NTNG1: variants seen among roughly 807,000 people sequenced by gnomAD.
NTNG1 encodes the protein netrin G1.
Under a neutral mutation model 54.0 loss-of-function variants are expected in NTNG1, and 16 were observed. That is an observed-to-expected ratio of 0.30 (90% CI 0.20 to 0.45). The LOEUF (loss-of-function observed/expected upper bound fraction) is 0.45, where lower values mean the gene tolerates loss of function less well. NTNG1 is among the 20% of genes least tolerant of loss of function. NTNG1 has a pLI of 1.00. For missense variants in NTNG1, 530 were observed against 678.7 expected, an observed-to-expected ratio of 0.78 and a Z score of 2.43; for synonymous variants, 255 against 263.1, an observed-to-expected ratio of 0.97 and a Z score of 0.30.
chr1:107,312,878 A>C (rs1240646141), intron 2 of NTNG1, among the ~76,000 whole-genome samples: 1 of 152,184 alleles, frequency 6.6e-6, no homozygotes, highest in Non-Finnish European at 1.5e-5. Context: ...AGATGCATAC[A>C]ATAGAAATAC....
intron 2 of NTNG1, among the ~76,000 whole-genome samples, chr1:107,199,239 T>A (rs2101265599): frequency 6.6e-6 from 1 of 151,834 alleles, no homozygotes; most frequent in South Asian, 2.1e-4. Context: ...CTTTTATGTA[T>A]TCTCATGTAG....
At chr1:107,425,165 A>G (rs1050367125) in intron 5 of NTNG1, among the ~76,000 whole-genome samples, 3 of 149,246 alleles carry the variant, frequency 2.0e-5, no homozygotes. Context: ...GGATATGAGC[A>G]TGAAGAGATG....
At chr1:107,441,159 G>A (rs1675940345) in intron 7 of NTNG1, among the ~76,000 whole-genome samples, 1 of 152,098 alleles carries the variant, frequency 6.6e-6, no homozygotes, top group South Asian at 2.1e-4. Flanking sequence ...AAAATATGAA[G>A]GGTTAACATG....
chr1:107,187,282 C>CTATGTACCATGAGT (rs1657535652), intron 2 of NTNG1, among the ~76,000 whole-genome samples: 1 of 152,066 alleles, frequency 6.6e-6, no homozygotes, highest in Non-Finnish European at 1.5e-5. Context: ...CAGTACTTGG[C>CTATGTACCATGAGT]ACATAGTAGG....
chr1:107,249,520 A>G (rs1400990570), intron 2 of NTNG1, among the ~76,000 whole-genome samples: 1 of 151,490 alleles, frequency 6.6e-6, no homozygotes, highest in Non-Finnish European at 1.5e-5. Context: ...GGGTAACTAT[A>G]TGTGTATTTG....
chr1:107,480,170 G>C (rs527269937), intron 7 of NTNG1, among the ~76,000 whole-genome samples: 1 of 151,768 alleles, frequency 6.6e-6, no homozygotes, highest in African/African-American at 2.4e-5. Context: ...CCCCTTAGAG[G>C]TTTTTGGTCA....
intron 2 of NTNG1, among the ~76,000 whole-genome samples, chr1:107,154,102 G>A (rs1002575064): frequency 3.3e-5 from 5 of 152,060 alleles, no homozygotes; most frequent in South Asian, 2.1e-4. Context: ...TGGTCATTGC[G>A]GCCAACAGAA....
intron 2 of NTNG1, among the ~76,000 whole-genome samples, chr1:107,273,832 G>A (rs1003924170): frequency 2.0e-5 from 3 of 152,088 alleles, no homozygotes; most frequent in African/African-American, 7.2e-5. Context: ...TGAACTAAAT[G>A]CATGAGATAT....
chr1:107,378,868 C>T (rs1671471862), intron 3 of NTNG1, among the ~76,000 whole-genome samples: 1 of 152,144 alleles, frequency 6.6e-6, no homozygotes, highest in Non-Finnish European at 1.5e-5. Context: ...GCACAGTCCC[C>T]CCACACATGA....
intron 5 of NTNG1, among the ~76,000 whole-genome samples, chr1:107,423,491 C>G (rs1022765033): frequency 6.6e-6 from 1 of 152,066 alleles, no homozygotes; most frequent in African/African-American, 2.4e-5. Context: ...CTCTGAAGGC[C>G]TGGATCGCAT....
intron 2 of NTNG1, among the ~76,000 whole-genome samples, chr1:107,219,181 T>G (rs1320079165): frequency 6.6e-6 from 1 of 151,936 alleles, no homozygotes. Context: ...CTGAAGTTTC[T>G]TCCTCTACTT....
chr1:107,286,591 A>G (rs1348840171), intron 2 of NTNG1, among the ~76,000 whole-genome samples: 1 of 152,206 alleles, frequency 6.6e-6, no homozygotes, highest in Non-Finnish European at 1.5e-5. Flanking sequence ...TTATAGCTAC[A>G]CATTTAGAGA....
In NTNG1 at chr1:107,383,519, A is replaced by G. The variant is rs890901592; in HGVS notation, c.888-11635A>G. On this transcript the variant is annotated intron_variant, in intron 3 of 7. Transcript: ENST00000370068. ...AGATCTAATATAGAAGTTGGTTACC[A>G]TAAACCACAGAATGGATGAATATGT... Among the ~76,000 whole-genome samples, 11 of 152,272 alleles carry G rather than the reference A, an allele frequency of 7.2e-5. No individual in the cohort carries two copies. The East Asian group carries it at 2.1e-3, about 29-fold the overall frequency.
intron 7 of NTNG1, among the ~76,000 whole-genome samples, chr1:107,444,097 TA>T (rs1435841228): frequency 1.1e-5 from 1 of 87,074 alleles, no homozygotes; most frequent in African/African-American, 3.9e-5. Context: ...TTTTGTCTGC[TA>T]GATGAGCAAA....
At chr1:107,334,553 G>C (rs539123448) in intron 3 of NTNG1, among the ~76,000 whole-genome samples, 1 of 151,794 alleles carries the variant, frequency 6.6e-6, no homozygotes, top group East Asian at 1.9e-4. Context: ...TATTGGATTT[G>C]TATAGACAGG....
chr1:107,299,173 C>T (rs768168126), intron 2 of NTNG1, among the ~76,000 whole-genome samples: 2 of 152,124 alleles, frequency 1.3e-5, no homozygotes, highest in Non-Finnish European at 2.9e-5. Context: ...TAGAAAAGCA[C>T]TGAGATGGAC....
chr1:107,479,104 T>G (rs1050415806), intron 7 of NTNG1, among the ~76,000 whole-genome samples: 2 of 152,222 alleles, frequency 1.3e-5, no homozygotes, highest in African/African-American at 2.4e-5. Context: ...ATAGCAAACG[T>G]GGATACATTT....
At chr1:107,375,209 A>G (rs774182687) in intron 3 of NTNG1, among the ~76,000 whole-genome samples, 10 of 152,114 alleles carry the variant, frequency 6.6e-5, no homozygotes, top group African/African-American at 1.2e-4. Flanking sequence ...CCTTGACTCT[A>G]GCATCCTCAG....
At chr1:107,274,733 G>T (rs1034641403) in intron 2 of NTNG1, among the ~76,000 whole-genome samples, 4 of 152,218 alleles carry the variant, frequency 2.6e-5, no homozygotes, top group African/African-American at 9.6e-5. Flanking sequence ...ACTACAGACA[G>T]ATTGTAGAGG....
Sources: gnomAD v4.1 joint callset for allele counts (sites outside exome capture counted in the v4.1 genomes callset) on GRCh38, gnomAD v4.1.1 for gene constraint, MANE v1.5 for transcripts, NCBI Gene and HGNC (gene_info 2026-07-23, HGNC 2026-07-21) for gene names.